ZCCHC8: variants seen among roughly 807,000 people sequenced by gnomAD.
ZCCHC8 encodes the protein zinc finger CCHC-type containing 8, also known as zinc finger CCHC domain-containing protein 8.
A neutral mutation model predicts 70.6 loss-of-function variants in ZCCHC8; 27 were observed. The observed-to-expected ratio is 0.38, with a 90% CI of 0.28 to 0.53. The LOEUF is 0.53. ZCCHC8 is among the 20% of genes least tolerant of loss of function. ZCCHC8 has a pLI of 0.81. For synonymous variants in ZCCHC8, 293 were observed against 317.4 expected, an observed-to-expected ratio of 0.92 and a Z score of 0.82; for missense variants, 737 against 876.9, an observed-to-expected ratio of 0.84 and a Z score of 2.01.
Position 122,500,545 on chromosome 12 carries a change from C to T in ZCCHC8, c.199+97G>A. 1 of 1,380,936 alleles carries T rather than the reference C, an allele frequency of 7.2e-7. No homozygotes were observed. Among genetic ancestry groups the T allele is most frequent in the Non-Finnish European group, 9.6e-7 (1 of 1,046,504 alleles). The allele number at this position is 1,380,936 out of a possible 1,614,324, so 85.5% of individuals were successfully genotyped here. ...TTCTGGCCCTCCTGGAACTTCCGCC[C>T]GCGCCCTCGCCCTCGCCCGGCGCTG... On this transcript the variant is annotated intron_variant, in intron 1 of 13. Coordinates refer to ENST00000633063, the MANE Select transcript of ZCCHC8 (RefSeq NM_017612.5). This position sits in a 1 kb window ranked among gnomAD's most constrained non-coding sequence, Gnocchi z 4.8.
At chr12:122,477,790 CAAA>C (rs145158700) in intron 13 of ZCCHC8, 48 bp downstream of exon 13, 7,632 of 984,568 alleles carry the variant, frequency 7.8e-3, no homozygotes, top group Non-Finnish European at 8.5e-3. Context: ...GACTCCATCT[CAAA>C]AAAAAAAAAA....
chr12:122,479,859 C>T (rs1345326065), intron 11 of ZCCHC8, among the ~76,000 whole-genome samples: 1 of 152,130 alleles, frequency 6.6e-6, no homozygotes, highest in South Asian at 2.1e-4. Context: ...TATGAATTAA[C>T]TAATTATTTT....
chr12:122,489,393 G>A lies in ZCCHC8; in HGVS notation c.494C>T (p.Ala165Val), dbSNP rs769690467. The A allele has an allele frequency of 6.2e-7, 1 of 1,613,338 alleles. No individual in the cohort carries two copies. Among genetic ancestry groups the A allele is most frequent in the African/African-American group, 1.3e-5 (1 of 74,914 alleles). The change falls in exon 5 of 14, where the codon GCT (alanine) becomes GTT (valine). Residue 165 changes from alanine (A) to valine (V), a missense_variant. Ala to Val is a moderately conservative substitution (Grantham distance 64). Transcript: ENST00000633063. ...TGAAATGTCCAAACTTACACTGAAA[G>A]CTTCCTTGTTGTTTTTAATGGCACA... ...ESCAIKNNKE[A>V]FSVVGSVLYF...
At chr12:122,488,735 G>C (rs1566298318) in intron 5 of ZCCHC8, among the ~76,000 whole-genome samples, 1 of 151,898 alleles carries the variant, frequency 6.6e-6, no homozygotes, top group African/African-American at 2.4e-5. Context: ...GCTGGGCGTG[G>C]TGGCGGGTGC....
intron 4 of ZCCHC8, 42 bp downstream of exon 4, chr12:122,490,420 C>G: frequency 1.4e-6 from 2 of 1,475,034 alleles, no homozygotes; most frequent in Non-Finnish European, 1.9e-6. Context: ...GGCAGTGAAA[C>G]GCATAACTTA....
chr12:122,480,239 A>C lies in ZCCHC8; in HGVS notation c.1091T>G (p.Leu364Trp). ...NKSVTYDLSKLVNYPGFNIST... is the reference protein window; with the variant it reads ...NKSVTYDLSKWVNYPGFNIST... ...TATATTAAAACCAGGATAGTTGACC[A>C]ATTTTGAGAGATCGTAAGTGACACT... The change falls in exon 11 of 14, where the codon TTG (leucine) becomes TGG (tryptophan). Residue 364 changes from leucine to tryptophan, a missense_variant. Transcript: ENST00000633063. The C allele has an allele frequency of 6.2e-7, 1 of 1,604,654 alleles. No homozygotes were observed. Among genetic ancestry groups the C allele is most frequent in the Non-Finnish European group, 8.5e-7 (1 of 1,174,484 alleles).
At chr12:122,491,105 T>C (rs1957734505) in intron 3 of ZCCHC8, 1 of 152,716 alleles carries the variant, frequency 6.5e-6, no homozygotes, top group African/African-American at 2.4e-5. Flanking sequence ...TGAGATCTGC[T>C]TTCCCCAGCC....
chr12:122,500,764 G>C lies in ZCCHC8; in HGVS notation c.77C>G (p.Pro26Arg). ...GTCGTCCTTGAAGCGAGTGTGAACGGGCTTCGGAATCGACTCCTCTGGGTG... is the reference window on the plus strand; with the variant it reads ...GTCGTCCTTGAAGCGAGTGTGAACGCGCTTCGGAATCGACTCCTCTGGGTG... ...FDHPEESIPK[P>R]VHTRFKDDDG... The change falls in exon 1 of 14, where the codon CCC (proline) becomes CGC (arginine). Residue 26 changes from proline to arginine, a missense_variant. Physicochemically the swap from Pro to Arg is moderately radical, Grantham distance 103 (BLOSUM62 -2). Transcript: ENST00000633063. This position sits in a 1 kb window ranked among gnomAD's most constrained non-coding sequence, Gnocchi z 4.8. 6.3e-7 allele frequency: 1 copy of C among 1,590,338 alleles called. No individual in the cohort carries two copies. Among genetic ancestry groups the C allele is most frequent in the South Asian group, 1.1e-5 (1 of 87,260 alleles).
chr12:122,480,561 T>A (rs1229199426), intron 10 of ZCCHC8: 1 of 289,790 alleles, frequency 3.5e-6, no homozygotes, highest in African/African-American at 2.2e-5. Flanking sequence ...AGCTTCTGCC[T>A]CTCAGGCTCA....
chr12:122,478,199 T>C lies in ZCCHC8; in HGVS notation c.1227+7A>G. On this transcript the variant is annotated splice_region_variant and intron_variant, in intron 12 of 13. Coordinates refer to ENST00000633063, the MANE Select transcript of ZCCHC8 (RefSeq NM_017612.5). ...TTTTATAGAGCACACCCTTAAAATC[T>C]ATTTACCGCTTGGAAGTTAGAAGTA... 6.3e-7 allele frequency: 1 copy of C among 1,582,310 alleles called. No individual in the cohort carries two copies. Among genetic ancestry groups the C allele is most frequent in the Non-Finnish European group, 8.6e-7 (1 of 1,161,432 alleles).
chr12:122,490,995 C>T (rs911429798), intron 3 of ZCCHC8: 3 of 152,952 alleles, frequency 2.0e-5, no homozygotes, highest in African/African-American at 7.2e-5. Context: ...AGGTCTTCCA[C>T]ATCCTCCTCC....
chr12:122,478,139 C>T (rs2137327029), intron 12 of ZCCHC8, 67 bp downstream of exon 12: 1 of 1,392,612 alleles, frequency 7.2e-7, no homozygotes, highest in Non-Finnish European at 1.0e-6. Context: ...CTGTAAGACG[C>T]TAATAAATTA....
At position 122,482,622 on chromosome 12, in the gene ZCCHC8, G is replaced by T. The variant is rs779245191; in HGVS notation, c.732+13C>A. The T allele has an allele frequency of 5.0e-6, 8 of 1,596,164 alleles. No homozygotes were observed. In the East Asian group the frequency reaches 1.6e-4, roughly 31 times the overall value. ...CTTGTTCAAAGACTTTTCTTAACAT[G>T]AGAAAAATTTACCATTGGGCAATCT... On this transcript the variant is annotated intron_variant, in intron 8 of 13. Coordinates refer to ENST00000633063, the MANE Select transcript of ZCCHC8 (RefSeq NM_017612.5).
chr12:122,486,651 CCT>C (rs755444350), intron 5 of ZCCHC8, among the ~76,000 whole-genome samples: 5 of 151,702 alleles, frequency 3.3e-5, no homozygotes, highest in Non-Finnish European at 5.9e-5. Flanking sequence ...CTCACTGCAA[CCT>C]CTGTCTCCCG....
At chr12:122,485,845 C>T (rs941976821) in intron 5 of ZCCHC8, among the ~76,000 whole-genome samples, 7 of 151,920 alleles carry the variant, frequency 4.6e-5, no homozygotes, top group Admixed American at 3.3e-4. Context: ...TAATTTTTTA[C>T]GACGACATTC....
chr12:122,492,782 A>G lies in ZCCHC8; in HGVS notation c.250T>C (p.Leu84=). ...CCATCTAACTTAGTATCGTTCACCA[A>G]TATTCCACTAAAACAGAAGTTAGAA... ...LNILTRPSGI[L]VNDTKLDGPI... The change falls in exon 3 of 14, where the codon TTG becomes CTG. Residue 84 remains leucine, a synonymous_variant. Coordinates refer to ENST00000633063, the MANE Select transcript of ZCCHC8 (RefSeq NM_017612.5). 2 of 1,537,012 alleles carry G rather than the reference A, an allele frequency of 1.3e-6. No homozygotes were observed. Among genetic ancestry groups the G allele is most frequent in the South Asian group, 1.2e-5 (1 of 83,522 alleles).
rs1315592808 is a variant in ZCCHC8 at position 122,471,629 on chromosome 12, T to G, written c.*1868A>C. 6.6e-6 allele frequency: 1 copy of G among 152,236 alleles called. No individual in the cohort carries two copies. Among genetic ancestry groups the G allele is most frequent in the African/African-American group, 2.4e-5 (1 of 41,462 alleles). The allele number at this position is 152,236 out of a possible 1,614,324, so 9.4% of individuals were successfully genotyped here. On this transcript the variant is annotated 3_prime_UTR_variant, in exon 14 of 14. Coordinates refer to ENST00000633063, the MANE Select transcript of ZCCHC8 (RefSeq NM_017612.5). ...GTAAAGGATTGCTTTTATTTTGAAC[T>G]TAAGCTGAGGAAAAGAAGCCAAAAG...
chr12:122,478,505 T>TGCAG, intron 11 of ZCCHC8: 1 of 496,622 alleles, frequency 2.0e-6, no homozygotes, highest in Non-Finnish European at 3.6e-6. Flanking sequence ...AAAGACTACC[T>TGCAG]GACACAATCA....
At position 122,476,891 on chromosome 12, in the gene ZCCHC8, G is replaced by A. The variant is rs564323388; in HGVS notation, c.1345+950C>T. Among the ~76,000 whole-genome samples the A allele has an allele frequency of 5.3e-5, 8 of 150,610 alleles. No homozygotes were observed. The South Asian group carries it at 1.1e-3, about 20-fold the overall frequency. ...TACAAAATTAGCCAGGCGTGGTGGCGGGCACCTGTAATCCCAGCTACTTGG... is the reference window on the plus strand; with the variant it reads ...TACAAAATTAGCCAGGCGTGGTGGCAGGCACCTGTAATCCCAGCTACTTGG... On this transcript the variant is annotated intron_variant, in intron 13 of 13. Transcript: ENST00000633063.
Sources: gnomAD v4.1 joint callset for allele counts (sites outside exome capture counted in the v4.1 genomes callset) on GRCh38, gnomAD v4.1.1 for gene constraint, Gnocchi (gnomAD v3.1) non-coding constraint, MANE v1.5 for transcripts, NCBI Gene and HGNC (gene_info 2026-07-23, HGNC 2026-07-21) for gene names.